FHIP2A: variants seen among roughly 807,000 people sequenced by gnomAD.
FHIP2A encodes the protein FHF complex subunit HOOK interacting protein 2A, also known as family with sequence similarity 160 member B1.
In FHIP2A, 46 loss-of-function variants were observed where a neutral mutation model predicts 93.5. The ratio of observed to expected loss-of-function variants is 0.49; its 90% CI spans 0.39 to 0.63. The LOEUF (loss-of-function observed/expected upper bound fraction) is 0.63, where lower values mean the gene tolerates loss of function less well. FHIP2A is among the 20% of genes least tolerant of loss of function. The probability of loss-of-function intolerance (pLI) is 0.00; values close to 1 mark genes in which losing one functional copy is unlikely to be tolerated. For synonymous variants in FHIP2A, 332 were observed against 326.5 expected (o/e 1.02, Z -0.18); for missense variants, 769 against 909.7 (o/e 0.85, Z 1.99).
chr10:114,824,703 T>C (rs561268999), intron 1 of FHIP2A, among the ~76,000 whole-genome samples: 4 of 152,342 alleles, frequency 2.6e-5, no homozygotes, highest in South Asian at 2.1e-4. Context: ...TTTCCAGTTA[T>C]TCAGTTCTGT....
intron 5 of FHIP2A, among the ~76,000 whole-genome samples, chr10:114,839,881 CAAAA>C (rs10612399): frequency 2.1e-5 from 2 of 95,580 alleles, no homozygotes. Context: ...GACTCTGTCT[CAAAA>C]AAAAAAAAAA....
rs2083793568 is a variant in FHIP2A at position 114,860,797 on chromosome 10, C to T, written c.1996C>T (p.Leu666Phe). Residue 666 changes from leucine to phenylalanine, a missense_variant, in exon 15 of 17, where the codon CTC becomes TTC. Physicochemically the swap from Leu to Phe is conservative, Grantham distance 22. Coordinates refer to ENST00000369248, the MANE Select transcript of FHIP2A (RefSeq NM_020940.4). The stretch of plus-strand genomic sequence containing the variant: ...AACCTCAGTGTTATCTAGACTTTCT[C>T]TCTTCCCTCATCCACACATCCACGA... ...QVTSVLSRLS[L>F]FPHPHIHEYL... 6.2e-7 allele frequency: 1 copy of T among 1,608,976 alleles called. No homozygotes were observed. The highest frequency in any genetic ancestry group is 8.5e-7 in the Non-Finnish European group (1 of 1,175,322).
intron 2 of FHIP2A, among the ~76,000 whole-genome samples, chr10:114,832,925 G>A (rs1371395120): frequency 1.3e-5 from 2 of 152,048 alleles, no homozygotes; most frequent in East Asian, 3.9e-4. Flanking sequence ...TGTTGAACAG[G>A]CTGGTCTTGG....
chr10:114,860,821 G>A lies in FHIP2A; in HGVS notation c.2020G>A (p.Glu674Lys). The A allele has an allele frequency of 3.1e-6, 5 of 1,609,306 alleles. No individual in the cohort carries two copies. Among genetic ancestry groups the A allele is most frequent in the Non-Finnish European group, 3.4e-6 (4 of 1,175,720 alleles). ...TCTCTTCCCTCATCCACACATCCAC[G>A]AGTACCTTTTGGATCCTTACGTGAA... is the stretch of plus-strand genomic sequence containing the variant. ...LSLFPHPHIH[E>K]YLLDPYVNLA... Residue 674 changes from glutamate to lysine, a missense_variant, in exon 15 of 17, where the codon GAG becomes AAG. Coordinates refer to ENST00000369248, the MANE Select transcript of FHIP2A (RefSeq NM_020940.4).
intron 13 of FHIP2A, among the ~76,000 whole-genome samples, chr10:114,851,140 C>T (rs2083733020): frequency 6.6e-6 from 1 of 152,162 alleles, no homozygotes; most frequent in Non-Finnish European, 1.5e-5. Flanking sequence ...TCTTGAACTC[C>T]TGGCCTCAAG....
downstream of FHIP2A, among the ~76,000 whole-genome samples, chr10:114,868,633 T>C (rs974278407): frequency 2.6e-5 from 4 of 152,188 alleles, no homozygotes; most frequent in Non-Finnish European, 2.9e-5. Flanking sequence ...CAACCTTACA[T>C]GAAGGTAAAA....
chr10:114,882,745 T>C (rs1287835667), intron 16 of FHIP2A, among the ~76,000 whole-genome samples: 1 of 152,008 alleles, frequency 6.6e-6, no homozygotes, highest in East Asian at 1.9e-4. Flanking sequence ...CATGGTGGTA[T>C]GCACCTGTAG....
chr10:114,877,098 G>A (rs893868833), intron 16 of FHIP2A, among the ~76,000 whole-genome samples: 11 of 152,064 alleles, frequency 7.2e-5, no homozygotes, highest in Non-Finnish European at 1.5e-4. Context: ...CGACACATCC[G>A]GGCAAGGACA....
rs148612278 is a variant in FHIP2A at position 114,874,410 on chromosome 10, T to C, written c.2192+13076T>C. Among the ~76,000 whole-genome samples the C allele has an allele frequency of 2.1e-3, 313 of 152,374 alleles. 1 individual carries two copies. The highest frequency in any genetic ancestry group is 7.3e-3 in the African/African-American group (302 of 41,600). On this transcript the variant is annotated intron_variant, in intron 16 of 16. Coordinates refer to the FHIP2A transcript ENST00000369250. The stretch of plus-strand genomic sequence containing the variant: ...AATTAGCTAGTAACTAGCACAATTA[T>C]ATTGCATTATCTCTTTTGTGCTAAA...
chr10:114,889,903 C>T (rs1389766602), intron 16 of FHIP2A, among the ~76,000 whole-genome samples: 1 of 152,234 alleles, frequency 6.6e-6, no homozygotes, highest in African/African-American at 2.4e-5. Flanking sequence ...GCAACTCGGG[C>T]ATGTCCCTTT....
chr10:114,862,095 C>T lies in FHIP2A; in HGVS notation c.*555C>T. The T allele has an allele frequency of 4.2e-6, 4 of 949,662 alleles. No individual in the cohort carries two copies. The highest frequency in any genetic ancestry group is 5.0e-6 in the Non-Finnish European group (4 of 797,344). The allele number at this position is 949,662 out of a possible 1,614,324, so 58.8% of individuals were successfully genotyped here. ...ATAGGCGATAAAAATGTGTAGAGCA[C>T]CATTAACTTTCTTCAGCTTTTTTAA... is the stretch of plus-strand genomic sequence containing the variant. On this transcript the variant is annotated 3_prime_UTR_variant, in exon 17 of 17. Coordinates refer to ENST00000369248, the MANE Select transcript of FHIP2A (RefSeq NM_020940.4).
At chr10:114,834,485 T>C (rs188553827) in intron 3 of FHIP2A, among the ~76,000 whole-genome samples, 1 of 152,338 alleles carries the variant, frequency 6.6e-6, no homozygotes. Context: ...AGCTTAAAAA[T>C]ATTGTGCATA....
chr10:114,855,107 G>GT (rs113830081), intron 13 of FHIP2A, 90 bp from the exon 14 acceptor site: 15 of 1,402,568 alleles, frequency 1.1e-5, no homozygotes, highest in African/African-American at 1.0e-4. Context: ...CATTCAAATG[G>GT]TTTTTTATAT....
intron 14 of FHIP2A, among the ~76,000 whole-genome samples, chr10:114,857,138 T>A (rs971474053): frequency 1.3e-5 from 2 of 151,882 alleles, no homozygotes; most frequent in Admixed American, 6.6e-5. Flanking sequence ...AAAAAAACCC[T>A]TGATTTTCAA....
At chr10:114,885,085 G>A (rs2083935873) in intron 16 of FHIP2A, among the ~76,000 whole-genome samples, 1 of 151,632 alleles carries the variant, frequency 6.6e-6, no homozygotes, top group Non-Finnish European at 1.5e-5. Flanking sequence ...CCTTCCTGGG[G>A]GAGAAAAATA....
chr10:114,847,409 C>T (rs1040385196), intron 12 of FHIP2A, among the ~76,000 whole-genome samples, 176 bp downstream of exon 12: 1 of 151,962 alleles, frequency 6.6e-6, no homozygotes, highest in African/African-American at 2.4e-5. Flanking sequence ...CTGCCCCAGC[C>T]TCCCAAGTAG....
At chr10:114,891,029 A>G (rs2083969685) in intron 16 of FHIP2A, among the ~76,000 whole-genome samples, 1 of 151,026 alleles carries the variant, frequency 6.6e-6, no homozygotes, top group Non-Finnish European at 1.5e-5. Context: ...CCGTCTCTAC[A>G]AAAAAATTTT....
chr10:114,862,843 A>G lies in FHIP2A; in HGVS notation c.*1303A>G. 1.0e-6 allele frequency: 1 copy of G among 985,468 alleles called. No individual in the cohort carries two copies. Among genetic ancestry groups the G allele is most frequent in the Non-Finnish European group, 1.2e-6 (1 of 829,944 alleles). The allele number at this position is 985,468 out of a possible 1,614,324, so 61.0% of individuals were successfully genotyped here. A position where few individuals can be genotyped will look rare whatever the true frequency, so the allele number is the denominator to read the frequency against. On this transcript the variant is annotated 3_prime_UTR_variant, in exon 17 of 17. Coordinates refer to ENST00000369248, the MANE Select transcript of FHIP2A (RefSeq NM_020940.4). ...TTTCCATTTACTGATATTTGGGGGA[A>G]CAGGCTATCAAAGGTTCCGGCTTGA...
chr10:114,872,363 G>C (rs1195072232), intron 16 of FHIP2A, among the ~76,000 whole-genome samples: 1 of 152,130 alleles, frequency 6.6e-6, no homozygotes, highest in Non-Finnish European at 1.5e-5. Context: ...TCTCATAAGA[G>C]TCAGGGAAGT....
Sources: allele counts gnomAD v4.1 joint callset (sites outside exome capture counted in the v4.1 genomes callset), GRCh38; gene constraint gnomAD v4.1.1; transcripts MANE v1.5; gene names NCBI Gene and HGNC (gene_info 2026-07-23, HGNC 2026-07-21).